Variants in RNF144A observed in about 807,000 individuals in gnomAD.
The protein encoded by RNF144A is E3 ubiquitin-protein ligase RNF144A.
RNF144A carries 11 observed loss-of-function variants against 38.7 expected under a neutral mutation model. The observed-to-expected ratio is 0.28, with a 90% CI of 0.18 to 0.47. The LOEUF (loss-of-function observed/expected upper bound fraction) is 0.47. Among genes scored for constraint, RNF144A ranks in the 20% least tolerant of loss-of-function variants. RNF144A has a pLI of 0.99. For missense variants in RNF144A, 316 were observed against 377.2 expected (o/e 0.84, Z 1.34); for synonymous variants, 149 against 143.9 (o/e 1.04, Z -0.25).
chr2:6,985,309 G>T (rs1189369464), intron 2 of RNF144A, among the ~76,000 whole-genome samples: 8 of 122,314 alleles, frequency 6.5e-5, no homozygotes, highest in African/African-American at 2.2e-4. Flanking sequence ...TGAGAAGATC[G>T]TTAAAGGCAG....
intron 1 of RNF144A, among the ~76,000 whole-genome samples, chr2:6,921,761 G>T (rs1040681882): frequency 6.6e-6 from 1 of 152,200 alleles, no homozygotes; most frequent in Non-Finnish European, 1.5e-5. Context: ...GGGTGGCAGG[G>T]AGGCTGCCTG....
chr2:6,951,753 T>C (rs1389771073), intron 2 of RNF144A, among the ~76,000 whole-genome samples: 3 of 152,210 alleles, frequency 2.0e-5, no homozygotes, highest in Non-Finnish European at 4.4e-5. Context: ...ATAAATGTAA[T>C]TACCTTTTTA....
intron 1 of RNF144A, among the ~76,000 whole-genome samples, chr2:6,938,511 G>T (rs1441034629): frequency 6.6e-6 from 1 of 152,032 alleles, no homozygotes; most frequent in Non-Finnish European, 1.5e-5. Context: ...CTCCCAAAGT[G>T]CTGGGATTAC....
intron 2 of RNF144A, among the ~76,000 whole-genome samples, chr2:6,968,611 A>C (rs183834367): frequency 1.3e-5 from 2 of 152,180 alleles, no homozygotes; most frequent in Non-Finnish European, 2.9e-5. Context: ...GTCTATTCTC[A>C]TCACAAGAAA....
At chr2:7,032,229 G>C (rs543175615) in intron 8 of RNF144A, among the ~76,000 whole-genome samples, 272 of 151,974 alleles carry the variant, frequency 1.8e-3, no homozygotes, top group African/African-American at 6.3e-3. Context: ...GCCCCTTGCA[G>C]CTCTGCTGGA....
intron 1 of RNF144A, among the ~76,000 whole-genome samples, chr2:6,926,303 C>T (rs537403989): frequency 1.4e-3 from 219 of 152,264 alleles, no homozygotes; most frequent in Middle Eastern, 3.4e-3. Flanking sequence ...TGTTCAGGGC[C>T]CAGTGCCAGA....
intron 1 of RNF144A, among the ~76,000 whole-genome samples, chr2:6,928,579 C>G (rs2077698): frequency 0.3 from 46,409 of 152,170 alleles, 7,204 homozygotes; most frequent in Middle Eastern, 0.36. Context: ...TTCTAGCCCA[C>G]GTACTGCTGT....
At chr2:7,072,824 A>G (rs1674529948), downstream of RNF144A, among the ~76,000 whole-genome samples, 1 of 152,212 alleles carries the variant, frequency 6.6e-6, no homozygotes, top group African/African-American at 2.4e-5. Flanking sequence ...ATTCTAGAAA[A>G]TCTAGAAAAT....
chr2:7,017,333 T>TA (rs1553343191), intron 5 of RNF144A, among the ~76,000 whole-genome samples: 1 of 150,614 alleles, frequency 6.6e-6, no homozygotes, highest in Non-Finnish European at 1.5e-5. Flanking sequence ...TTTTTTTTTT[T>TA]AAAGTAAAGC....
At chr2:6,929,749 G>A (rs1446802468) in intron 1 of RNF144A, among the ~76,000 whole-genome samples, 1 of 152,110 alleles carries the variant, frequency 6.6e-6, no homozygotes, top group African/African-American at 2.4e-5. Context: ...CACACCTACT[G>A]TTTATGTAGA....
rs539683368 is a variant in RNF144A at position 7,020,586 on chromosome 2, C to T, written c.415C>T (p.Arg139Cys). 71 of 1,612,518 alleles carry T rather than the reference C, an allele frequency of 4.4e-5. No individual in the cohort carries two copies. Among genetic ancestry groups the T allele is most frequent in the Middle Eastern group, 3.3e-4 (2 of 6,062 alleles). Residue 139 changes from arginine to cysteine, a missense_variant, in exon 6 of 9, where the codon CGT becomes TGT. Arg to Cys is a radical substitution (Grantham distance 180). Coordinates refer to ENST00000320892, the MANE Select transcript of RNF144A (RefSeq NM_014746.6). ...TPQPVQCKAC[R>C]MEFCSTCKAS... ...CCAGCCAGTGCAGTGCAAAGCCTGC[C>T]GTATGGAATTCTGCTCCACCTGCAA...
At chr2:7,062,332 GTTTTTGC>G (rs1438716859) in intron 6 of RNF144A, among the ~76,000 whole-genome samples, 2 of 151,892 alleles carry the variant, frequency 1.3e-5, no homozygotes, top group African/African-American at 4.8e-5. Context: ...TCGTGTTTTT[GTTTTTGC>G]TTTTTGCCAA....
At chr2:6,925,145 C>T (rs890792475) in intron 1 of RNF144A, among the ~76,000 whole-genome samples, 1 of 152,224 alleles carries the variant, frequency 6.6e-6, no homozygotes, top group Non-Finnish European at 1.5e-5. Flanking sequence ...TAGATCTGAA[C>T]TCTCTTGACT....
Position 6,937,347 on chromosome 2 carries a change from C to A in RNF144A, c.-211-3601C>A, listed in dbSNP as rs867956211. ...CCACTGTCCAGGTGGGGACAGGAGGCTTTGCAACCTGCCAACAGCCCAGGA... is the reference window on the plus strand; with the variant it reads ...CCACTGTCCAGGTGGGGACAGGAGGATTTGCAACCTGCCAACAGCCCAGGA... On this transcript the variant is annotated intron_variant, in intron 1 of 8. Coordinates refer to ENST00000320892, the MANE Select transcript of RNF144A (RefSeq NM_014746.6). 2.0e-5 allele frequency among the ~76,000 whole-genome samples: 3 copies of A among 152,240 alleles called. 1 individual carries two copies. Among genetic ancestry groups the A allele is most frequent in the Non-Finnish European group, 1.5e-5 (1 of 68,042 alleles).
intron 6 of RNF144A, among the ~76,000 whole-genome samples, chr2:7,052,481 T>G (rs1673569631): frequency 6.6e-6 from 1 of 152,180 alleles, no homozygotes; most frequent in African/African-American, 2.4e-5. Context: ...CCAAGGATGG[T>G]TCTCTCCACT....
chr2:6,942,928 G>A (rs1333418265), intron 2 of RNF144A, among the ~76,000 whole-genome samples: 4 of 152,164 alleles, frequency 2.6e-5, no homozygotes, highest in Non-Finnish European at 4.4e-5. Flanking sequence ...AGGTCGCAGT[G>A]AGCTGAGTTC....
intron 8 of RNF144A, 121 bp from the exon 9 acceptor site, chr2:7,039,508 A>G: frequency 1.3e-6 from 2 of 1,509,192 alleles, no homozygotes; most frequent in Non-Finnish European, 1.8e-6. Flanking sequence ...GGATGGATAG[A>G]TGGATGGTTG....
intron 1 of RNF144A, among the ~76,000 whole-genome samples, chr2:6,923,916 C>A (rs1180027054): frequency 6.6e-6 from 1 of 152,004 alleles, no homozygotes; most frequent in East Asian, 1.9e-4. Flanking sequence ...TAGGAACTTA[C>A]TCATTTTTAC....
At chr2:6,960,537 A>G (rs1397565076) in intron 2 of RNF144A, among the ~76,000 whole-genome samples, 1 of 152,224 alleles carries the variant, frequency 6.6e-6, no homozygotes, top group African/African-American at 2.4e-5. Flanking sequence ...GGGGAAGTAT[A>G]ACACCATCTT....
Sources: gnomAD v4.1 joint callset for allele counts (sites outside exome capture counted in the v4.1 genomes callset) on GRCh38, gnomAD v4.1.1 for gene constraint, MANE v1.5 for transcripts, NCBI Gene and HGNC (gene_info 2026-07-23, HGNC 2026-07-21) for gene names.